The following VCL variants were observed in gnomAD, a reference collection of about 807,000 sequenced individuals.
The protein encoded by VCL is epididymis luminal protein 114.
In VCL, 47 loss-of-function variants were observed where a neutral mutation model predicts 125.7. The ratio of observed to expected loss-of-function variants is 0.37; its 90% CI spans 0.30 to 0.48. The LOEUF (loss-of-function observed/expected upper bound fraction) is 0.48. VCL is among the 20% of genes least tolerant of loss of function. The pLI is 0.99. For missense variants in VCL, 1,069 were observed against 1,455.5 expected (o/e 0.73, Z 4.32); for synonymous variants, 458 against 514.6 (o/e 0.89, Z 1.49).
chr10:74,109,576 CT>C (rs3037358), intron 18 of VCL, among the ~76,000 whole-genome samples: 1 of 147,320 alleles, frequency 6.8e-6, no homozygotes, highest in Non-Finnish European at 1.5e-5. Flanking sequence ...TTTGCATTTT[CT>C]TTTTTTTTCC....
At position 74,018,179 on chromosome 10, in the gene VCL, T is replaced by G. The variant is rs1248474057; in HGVS notation, c.168+19804T>G. Among the ~76,000 whole-genome samples the G allele has an allele frequency of 4.1e-5, 5 of 121,734 alleles. No individual in the cohort carries two copies. In the South Asian group the frequency reaches 9.7e-4, roughly 24 times the overall value. The allele number at this position is 121,734 out of a possible 152,430, so 79.9% of individuals were successfully genotyped here. A position where few individuals can be genotyped will look rare whatever the true frequency, so the allele number is the denominator to read the frequency against. ...GTAAAATGTGAGGATATATATAGGA[T>G]ATATATATATATATATATATATAAA... On this transcript the variant is annotated intron_variant, in intron 1 of 21. Coordinates refer to ENST00000211998, the MANE Select transcript of VCL (RefSeq NM_014000.3).
At chr10:74,004,911 G>A (rs931276556) in intron 1 of VCL, among the ~76,000 whole-genome samples, 1 of 152,016 alleles carries the variant, frequency 6.6e-6, no homozygotes, top group African/African-American at 2.4e-5. Context: ...CACCATGTTG[G>A]CCAGGGTGGT....
chr10:74,034,260 G>T (rs546913914), intron 1 of VCL, among the ~76,000 whole-genome samples: 1 of 151,982 alleles, frequency 6.6e-6, no homozygotes, highest in Non-Finnish European at 1.5e-5. Flanking sequence ...TTGCATACAA[G>T]GCCCTCCATG....
chr10:74,107,411 G>C, intron 17 of VCL, 57 bp downstream of exon 17: 6 of 1,613,418 alleles, frequency 3.7e-6, no homozygotes, highest in Non-Finnish European at 5.1e-6. Flanking sequence ...ACTTCAGCAA[G>C]AGAGAGGTAG....
intron 2 of VCL, among the ~76,000 whole-genome samples, chr10:74,063,263 T>C (rs923182379): frequency 6.6e-6 from 1 of 152,216 alleles, no homozygotes; most frequent in African/African-American, 2.4e-5. Context: ...CCTTCTTGTA[T>C]ACCTGATAAT....
intron 1 of VCL, among the ~76,000 whole-genome samples, chr10:74,003,681 T>C (rs1422592385): frequency 6.6e-6 from 1 of 152,208 alleles, no homozygotes; most frequent in Admixed American, 6.5e-5. Flanking sequence ...AGCAGTATTA[T>C]CTTCACTTTA....
Position 74,112,015 on chromosome 10 carries a change from C to G in VCL, c.2852C>G (p.Pro951Arg), listed in dbSNP as rs368570586. ...VPPDMEDDYE[P>R]ELLLMPSNQP... ...CCTGACATGGAAGACGATTACGAAC[C>G]TGAGCTGCTGTTAATGCCATCCAAT... is the stretch of plus-strand genomic sequence containing the variant. Residue 951 changes from proline to arginine, a missense_variant, in exon 19 of 22, where the codon CCT (proline) becomes CGT (arginine). By Grantham distance (103) the Pro-to-Arg change is moderately radical. Transcript: ENST00000211998. 2.0e-5 allele frequency: 33 copies of G among 1,614,084 alleles called. No individual in the cohort carries two copies. The highest frequency in any genetic ancestry group is 1.6e-4 in the Middle Eastern group (1 of 6,084).
intron 14 of VCL, among the ~76,000 whole-genome samples, chr10:74,101,617 G>A (rs569999826): frequency 1.5e-4 from 22 of 143,774 alleles, no homozygotes; most frequent in African/African-American, 5.2e-4. Flanking sequence ...CTGCAGTGGC[G>A]CAATCTCGGC....
chr10:74,094,637 C>T (rs1839937987), intron 11 of VCL, among the ~76,000 whole-genome samples, 176 bp downstream of exon 11: 1 of 152,186 alleles, frequency 6.6e-6, no homozygotes, highest in African/African-American at 2.4e-5. Context: ...AATCAAGAAG[C>T]AGACCAGGCA....
intron 11 of VCL, among the ~76,000 whole-genome samples, chr10:74,094,973 T>C (rs1839943140): frequency 6.6e-6 from 1 of 152,188 alleles, no homozygotes; most frequent in Non-Finnish European, 1.5e-5. Flanking sequence ...TCTAAGTTAG[T>C]TATGCCCAGT....
chr10:74,092,094 G>C (rs1839899155), intron 10 of VCL, among the ~76,000 whole-genome samples: 1 of 151,954 alleles, frequency 6.6e-6, no homozygotes, highest in Admixed American at 6.5e-5. Flanking sequence ...ATTTTTAGTA[G>C]AGATGGGGTT....
chr10:74,027,252 G>A (rs1368493559), intron 1 of VCL, among the ~76,000 whole-genome samples: 2 of 151,776 alleles, frequency 1.3e-5, no homozygotes, highest in Non-Finnish European at 2.9e-5. Flanking sequence ...GATAGGACAG[G>A]TGGTAGCGTT....
intron 18 of VCL, 141 bp from the exon 19 acceptor site, chr10:74,111,768 T>C (rs1840222900): frequency 1.8e-6 from 2 of 1,114,942 alleles, no homozygotes; most frequent in African/African-American, 3.1e-5. Flanking sequence ...TGAAGCTTGG[T>C]ACACAAGGCT....
chr10:74,054,147 A>G (rs1841355559), intron 2 of VCL, among the ~76,000 whole-genome samples: 1 of 152,142 alleles, frequency 6.6e-6, no homozygotes, highest in African/African-American at 2.4e-5. Flanking sequence ...TATACTAATT[A>G]GGTCAGTATA....
At position 74,108,987 on chromosome 10, in the gene VCL, C is replaced by T. The variant is rs767056229; in HGVS notation, c.2576C>T (p.Ala859Val). Residue 859 changes from alanine to valine, a missense_variant, in exon 18 of 22, where the codon GCT (alanine) becomes GTT (valine). By Grantham distance (64) the Ala-to-Val change is moderately conservative (BLOSUM62 0). Transcript: ENST00000211998. Reference protein sequence around the residue: ...LEQLRLTDELAPPKPPLPEGE... With the variant: ...LEQLRLTDELVPPKPPLPEGE... Reference sequence around the variant, plus strand: ...CTTTTTTAGCTAACAGATGAGCTTGCTCCTCCCAAACCACCTCTGCCTGAA... The same window carrying T: ...CTTTTTTAGCTAACAGATGAGCTTGTTCCTCCCAAACCACCTCTGCCTGAA... 1 of 1,614,158 alleles carries T rather than the reference C, an allele frequency of 6.2e-7. No homozygotes were observed. Among genetic ancestry groups the T allele is most frequent in the South Asian group, 1.1e-5 (1 of 91,086 alleles).
chr10:74,114,033 A>G, intron 19 of VCL, 151 bp from the exon 20 acceptor site: 1 of 817,758 alleles, frequency 1.2e-6, no homozygotes, highest in Admixed American at 2.0e-5. Context: ...TGCTATCCGT[A>G]TCACTCAAGA....
chr10:74,031,748 GTC>G (rs1158498781), intron 1 of VCL, among the ~76,000 whole-genome samples: 1 of 151,964 alleles, frequency 6.6e-6, no homozygotes, highest in African/African-American at 2.4e-5. Flanking sequence ...GTGAAACCCT[GTC>G]TCTACAAAAA....
chr10:74,002,666 G>A (rs1840249025), intron 1 of VCL, among the ~76,000 whole-genome samples: 2 of 151,136 alleles, frequency 1.3e-5, no homozygotes, highest in African/African-American at 4.8e-5. Flanking sequence ...GGCTGATCAC[G>A]AGGTCAAGAG....
rs187236093 is a variant in VCL, at chr10:74,059,915, G to C, written c.240-10755G>C. Among the ~76,000 whole-genome samples the C allele has an allele frequency of 1.5e-3, 236 of 152,286 alleles. 1 individual carries two copies. The highest frequency in any genetic ancestry group is 5.4e-3 in the African/African-American group (223 of 41,564). The stretch of plus-strand genomic sequence containing the variant: ...ACAGTGGCTCACGCCTGTAATTCTG[G>C]CACTTTGTGAGGCAAGGCAGGAGGA... On this transcript the variant is annotated intron_variant, in intron 2 of 21. Coordinates refer to ENST00000211998, the MANE Select transcript of VCL (RefSeq NM_014000.3).
Sources: gnomAD v4.1 joint callset for allele counts (sites outside exome capture counted in the v4.1 genomes callset) on GRCh38, gnomAD v4.1.1 for gene constraint, MANE v1.5 for transcripts, NCBI Gene and HGNC (gene_info 2026-07-23, HGNC 2026-07-21) for gene names.